BLTP1: variants seen among roughly 807,000 people sequenced by gnomAD.
BLTP1 encodes fragile site-associated protein.
At chr4:122,188,078 C>A in the BLTP1 span, 1 of 1,484,622 alleles carries the variant, frequency 6.7e-7, no homozygotes, top group African/African-American at 1.5e-5. Context: ...TGTTGGTCTT[C>A]AAAATGATGA....
the BLTP1 span, chr4:122,328,080 C>A: frequency 6.8e-7 from 1 of 1,468,572 alleles, no homozygotes; most frequent in African/African-American, 1.4e-5. Context: ...GAATCTGATT[C>A]ATGTTTTTTC....
the BLTP1 span, among the ~76,000 whole-genome samples, chr4:122,260,687 T>G: frequency 6.6e-6 from 1 of 151,950 alleles, no homozygotes; most frequent in Non-Finnish European, 1.5e-5. Flanking sequence ...ATTTAGAAGG[T>G]GATGCTCTTT....
At chr4:122,211,373 G>T in the BLTP1 span, among the ~76,000 whole-genome samples, 11 of 150,802 alleles carry the variant, frequency 7.3e-5, no homozygotes, top group Non-Finnish European at 1.5e-5. Context: ...TCTCAGGGAG[G>T]TAAGCTAGAG....
the BLTP1 span, chr4:122,281,254 CAAATCTGAGTTT>C: frequency 1.0e-6 from 1 of 960,138 alleles, no homozygotes; most frequent in Non-Finnish European, 1.2e-6. Context: ...TGGAATCAGA[CAAATCTGAGTTT>C]AAATCCCAGT....
the BLTP1 span, among the ~76,000 whole-genome samples, chr4:122,300,249 A>T: frequency 2.6e-5 from 4 of 152,244 alleles, no homozygotes; most frequent in South Asian, 8.3e-4. Flanking sequence ...ACCTCAGGTC[A>T]TCCACCCATC....
chr4:122,244,081 GAT>G, the BLTP1 span: 17 of 1,490,964 alleles, frequency 1.1e-5, no homozygotes, highest in Non-Finnish European at 1.5e-5. Flanking sequence ...ATTACTCTGT[GAT>G]ATGATAAGTA....
At chr4:122,277,566 T>A in the BLTP1 span, 1 of 956,364 alleles carries the variant, frequency 1.0e-6, no homozygotes, top group Non-Finnish European at 1.2e-6. Context: ...GCAAAAGAAA[T>A]CAAGAAAGAT....
chr4:122,207,658 T>C, the BLTP1 span: 1 of 1,519,728 alleles, frequency 6.6e-7, no homozygotes, highest in Admixed American at 1.7e-5. Context: ...GTTGAATGCA[T>C]TATTTATTCC....
chr4:122,261,895 A>G, the BLTP1 span: 10 of 985,250 alleles, frequency 1.0e-5, no homozygotes, highest in South Asian at 4.2e-4. Flanking sequence ...CTGGGAGGGC[A>G]TTGAAAAGGG....
At chr4:122,262,995 AGATTT>A in the BLTP1 span, 1 of 1,610,410 alleles carries the variant, frequency 6.2e-7, no homozygotes, top group South Asian at 1.1e-5. Flanking sequence ...TACGTCCTCT[AGATTT>A]GATAATTACA....
At chr4:122,359,381 TAAG>T in the BLTP1 span, 1 of 922,336 alleles carries the variant, frequency 1.1e-6, no homozygotes, top group Non-Finnish European at 1.3e-6. Flanking sequence ...TGTTAATCTC[TAAG>T]AATTATCAAT....
At chr4:122,299,605 A>G in the BLTP1 span, among the ~76,000 whole-genome samples, 1 of 152,226 alleles carries the variant, frequency 6.6e-6, no homozygotes, top group Non-Finnish European at 1.5e-5. Flanking sequence ...AAGTTAGAGA[A>G]TCAGGGAAAT....
the BLTP1 span, chr4:122,359,268 C>G: frequency 2.7e-5 from 25 of 921,916 alleles, no homozygotes; most frequent in Non-Finnish European, 3.1e-5. Context: ...AAAAATAAAC[C>G]TACTACAGCC....
At chr4:122,254,784 T>A in the BLTP1 span, 1 of 1,493,080 alleles carries the variant, frequency 6.7e-7, no homozygotes, top group East Asian at 2.5e-5. Flanking sequence ...GTTTTTATAA[T>A]TTTTTATTTA....
chr4:122,240,400 A>G, the BLTP1 span: 1 of 1,498,380 alleles, frequency 6.7e-7, no homozygotes, highest in East Asian at 2.3e-5. Flanking sequence ...ATTTAGAAAA[A>G]CAGATTTTTA....
the BLTP1 span, chr4:122,224,754 A>C: frequency 6.2e-7 from 1 of 1,609,374 alleles, no homozygotes; most frequent in Non-Finnish European, 8.5e-7. Context: ...AATAACTTGT[A>C]TGCCTGTTTG....
the BLTP1 span, among the ~76,000 whole-genome samples, chr4:122,243,648 A>G: frequency 1.5e-3 from 225 of 152,064 alleles, no homozygotes; most frequent in Non-Finnish European, 2.5e-3. Flanking sequence ...ACTTGGGAGG[A>G]GGAGGTTGCA....
At chr4:122,325,940 A>C in the BLTP1 span, 1 of 798,222 alleles carries the variant, frequency 1.3e-6, no homozygotes, top group Non-Finnish European at 1.8e-6. Context: ...AACAATATAA[A>C]TTTTGCTTTA....
At chr4:122,260,908 G>A in the BLTP1 span, among the ~76,000 whole-genome samples, 2 of 152,132 alleles carry the variant, frequency 1.3e-5, no homozygotes, top group South Asian at 4.1e-4. Context: ...AGATCTGTAA[G>A]TGGATATGGA....
Sources: gnomAD v4.1 joint callset for allele counts (sites outside exome capture counted in the v4.1 genomes callset) on GRCh38, gnomAD v4.1.1 for gene constraint, MANE v1.5 for transcripts, NCBI Gene and HGNC (gene_info 2026-07-23, HGNC 2026-07-21) for gene names.